The following DLG2 variants were observed in gnomAD, a reference collection of about 807,000 sequenced individuals.
DLG2 encodes the protein disks large homolog 2.
A neutral mutation model predicts 132.5 loss-of-function variants in DLG2; 45 were observed. The ratio of observed to expected loss-of-function variants is 0.34; its 90% CI spans 0.27 to 0.44. The LOEUF is 0.44. Among genes scored for constraint, DLG2 ranks in the 20% least tolerant of loss-of-function variants. The pLI, the probability that DLG2 is intolerant of heterozygous loss-of-function variation, is 1.00. For synonymous variants in DLG2, 424 were observed against 419.6 expected (o/e 1.01, Z -0.13); for missense variants, 1,045 against 1,196.9 (o/e 0.87, Z 1.87).
intron 18 of DLG2, among the ~76,000 whole-genome samples, chr11:83,709,268 T>C (rs576946340): frequency 1.3e-5 from 2 of 149,542 alleles, no homozygotes; most frequent in Non-Finnish European, 3.0e-5. Flanking sequence ...TGTATATATG[T>C]ATGTATATAT....
At chr11:83,644,731 T>G (rs1591593259) in intron 18 of DLG2, among the ~76,000 whole-genome samples, 1 of 152,196 alleles carries the variant, frequency 6.6e-6, no homozygotes, top group South Asian at 2.1e-4. Context: ...GAAAAGAAAT[T>G]TCTTTTGCTT....
Position 84,179,874 on chromosome 11 carries a change from T to A in DLG2, c.574-16363A>T, listed in dbSNP as rs150452558. ...GCACTGGTGAAATTTAGAATCCAGA[T>A]AGACAAACTCACCAAAATACTGAAA... On this transcript the variant is annotated intron_variant, in intron 8 of 27. Coordinates refer to ENST00000376104, the MANE Select transcript of DLG2 (RefSeq NM_001142699.3). Among the ~76,000 whole-genome samples, 197 of 152,198 alleles carry A rather than the reference T, an allele frequency of 1.3e-3. 11 individuals carry two copies. In the East Asian group the frequency reaches 0.035, roughly 27 times the overall value.
chr11:83,950,708 T>C (rs2085202756), intron 14 of DLG2, among the ~76,000 whole-genome samples: 1 of 152,210 alleles, frequency 6.6e-6, no homozygotes, highest in Non-Finnish European at 1.5e-5. Context: ...CATTATACCC[T>C]GGACCCTACT....
At chr11:83,802,032 C>T (rs903297812) in intron 17 of DLG2, among the ~76,000 whole-genome samples, 1 of 151,914 alleles carries the variant, frequency 6.6e-6, no homozygotes, top group South Asian at 2.1e-4. Flanking sequence ...AAACTGAACT[C>T]ACTGAATCAG....
At chr11:83,594,756 C>G (rs947085126) in intron 19 of DLG2, among the ~76,000 whole-genome samples, 1 of 152,100 alleles carries the variant, frequency 6.6e-6, no homozygotes, top group Non-Finnish European at 1.5e-5. Flanking sequence ...AATGTCCATT[C>G]CCAGGAGAGT....
intron 10 of DLG2, among the ~76,000 whole-genome samples, chr11:84,061,149 G>T (rs1331853959): frequency 6.6e-6 from 1 of 151,972 alleles, no homozygotes; most frequent in Non-Finnish European, 1.5e-5. Flanking sequence ...TCAATGATTG[G>T]GCCCTCCATT....
At chr11:83,928,717 G>A (rs948799957) in intron 15 of DLG2, among the ~76,000 whole-genome samples, 3 of 152,096 alleles carry the variant, frequency 2.0e-5, no homozygotes, top group African/African-American at 4.8e-5. Flanking sequence ...AACTTATCAA[G>A]TCTCGATTTT....
chr11:83,822,348 T>C (rs2051058166), intron 17 of DLG2, among the ~76,000 whole-genome samples: 4 of 152,158 alleles, frequency 2.6e-5, no homozygotes. Context: ...ATCCTTAAGA[T>C]ACTAGACCTA....
intron 11 of DLG2, among the ~76,000 whole-genome samples, chr11:84,016,901 A>C (rs2095219709): frequency 6.6e-6 from 1 of 152,132 alleles, no homozygotes; most frequent in Admixed American, 6.6e-5. Context: ...TGCCTAAATA[A>C]ACAGAATGAT....
At chr11:83,557,671 C>G (rs2096543063) in intron 19 of DLG2, among the ~76,000 whole-genome samples, 1 of 152,156 alleles carries the variant, frequency 6.6e-6, no homozygotes, top group Non-Finnish European at 1.5e-5. Context: ...GGCATAACCG[C>G]AATTGGCAGT....
At chr11:84,657,086 C>T (rs1432076603) in intron 6 of DLG2, among the ~76,000 whole-genome samples, 1 of 152,118 alleles carries the variant, frequency 6.6e-6, no homozygotes, top group African/African-American at 2.4e-5. Context: ...TTCCTAGGAT[C>T]ACACAGCTAG....
intron 6 of DLG2, among the ~76,000 whole-genome samples, chr11:84,946,753 C>T (rs571550509): frequency 6.8e-4 from 103 of 152,238 alleles, no homozygotes; most frequent in Non-Finnish European, 1.2e-3. Flanking sequence ...ATCCCACGTT[C>T]ACTGGCTCCA....
At chr11:83,649,748 A>G (rs2069470995) in intron 18 of DLG2, among the ~76,000 whole-genome samples, 1 of 152,184 alleles carries the variant, frequency 6.6e-6, no homozygotes, top group African/African-American at 2.4e-5. Flanking sequence ...AGGCACTAAC[A>G]GGAGATTGGA....
chr11:85,203,024 CTTAATA>C (rs1263915270), intron 4 of DLG2, among the ~76,000 whole-genome samples: 6 of 150,102 alleles, frequency 4.0e-5, no homozygotes, highest in East Asian at 1.9e-4. Context: ...ATTAAATAAA[CTTAATA>C]TTAATAATAA....
At chr11:85,012,737 A>G (rs1042020651) in intron 6 of DLG2, among the ~76,000 whole-genome samples, 5 of 152,204 alleles carry the variant, frequency 3.3e-5, no homozygotes, top group Non-Finnish European at 5.9e-5. Flanking sequence ...TGATTAATAT[A>G]GGACTCCATT....
At chr11:85,232,991 T>G (rs556415837) in intron 4 of DLG2, among the ~76,000 whole-genome samples, 45 of 152,062 alleles carry the variant, frequency 3.0e-4, no homozygotes, top group Admixed American at 8.5e-4. Flanking sequence ...TGTATGGCCT[T>G]AATGCCTTTC....
chr11:84,911,977 A>G (rs2092102264), intron 6 of DLG2, among the ~76,000 whole-genome samples: 1 of 152,110 alleles, frequency 6.6e-6, no homozygotes, highest in Non-Finnish European at 1.5e-5. Flanking sequence ...GCATCATTTT[A>G]TCATCAATAT....
intron 18 of DLG2, among the ~76,000 whole-genome samples, chr11:83,763,009 C>G (rs1012664578): frequency 5.9e-5 from 9 of 152,146 alleles, no homozygotes; most frequent in African/African-American, 2.2e-4. Flanking sequence ...GCCAGGTTGG[C>G]TTTTTGAGCA....
At chr11:84,296,464 T>G (rs2098090149) in intron 7 of DLG2, among the ~76,000 whole-genome samples, 1 of 152,012 alleles carries the variant, frequency 6.6e-6, no homozygotes, top group Non-Finnish European at 1.5e-5. Context: ...TGAGTTGGGG[T>G]CTTGCCTGTA....
Sources: gnomAD v4.1 joint callset for allele counts (sites outside exome capture counted in the v4.1 genomes callset) on GRCh38, gnomAD v4.1.1 for gene constraint, MANE v1.5 for transcripts, NCBI Gene and HGNC (gene_info 2026-07-23, HGNC 2026-07-21) for gene names.